PCDH15: variants seen among roughly 807,000 people sequenced by gnomAD.
The protein encoded by PCDH15 is protocadherin related 15.
In PCDH15, 129 loss-of-function variants were observed where a neutral mutation model predicts 178.5. That is an observed-to-expected ratio of 0.72 (90% CI 0.63 to 0.84). The LOEUF (loss-of-function observed/expected upper bound fraction) is 0.84. PCDH15 is among the 40% of genes least tolerant of loss of function. The pLI is 0.00. For synonymous variants in PCDH15, 800 were observed against 732.0 expected, an observed-to-expected ratio of 1.09 and a Z score of -1.50; for missense variants, 2,230 against 2,099.9, an observed-to-expected ratio of 1.06 and a Z score of -1.21.
intron 25 of PCDH15, chr10:53,907,257 T>C (rs1258050309): frequency 6.6e-6 from 1 of 152,170 alleles, no homozygotes; most frequent in East Asian, 1.9e-4. Context: ...CTGCTTTTTA[T>C]CTCCTTGAGT....
intron 20 of PCDH15, among the ~76,000 whole-genome samples, chr10:53,998,933 T>C (rs1270891595): frequency 1.3e-5 from 2 of 150,382 alleles, no homozygotes; most frequent in Non-Finnish European, 2.9e-5. Context: ...GCACCTGTAA[T>C]CCCAGCTACT....
chr10:54,205,356 T>TAATTCATTTATGTAA (rs2050683413), intron 10 of PCDH15, among the ~76,000 whole-genome samples: 1 of 151,810 alleles, frequency 6.6e-6, no homozygotes, highest in Non-Finnish European at 1.5e-5. Flanking sequence ...AGTTGGAAAC[T>TAATTCATTTATGTAA]GAATGGAAGG....
chr10:54,090,092 CA>C (rs1565230404), intron 15 of PCDH15, 29 bp from the exon 16 acceptor site: 1 of 1,508,090 alleles, frequency 6.6e-7, no homozygotes, highest in Non-Finnish European at 9.2e-7. Flanking sequence ...ATTCAATTAT[CA>C]AGTAATTGAT....
chr10:54,399,557 C>G (rs936022026), intron 3 of PCDH15, among the ~76,000 whole-genome samples: 2 of 152,022 alleles, frequency 1.3e-5, no homozygotes, highest in African/African-American at 4.8e-5. Context: ...GGGTGAAAGT[C>G]TAAATGAAGA....
chr10:54,355,111 G>T (rs1944762626), intron 5 of PCDH15, among the ~76,000 whole-genome samples: 1 of 100,396 alleles, frequency 1.0e-5, no homozygotes, highest in Non-Finnish European at 1.9e-5. Context: ...TTCCAAAACA[G>T]GAGGATTGCA....
At chr10:55,184,793 C>T (rs1839750952) in intron 1 of PCDH15, among the ~76,000 whole-genome samples, 1 of 151,866 alleles carries the variant, frequency 6.6e-6, no homozygotes, top group South Asian at 2.1e-4. Flanking sequence ...AGATTTATGA[C>T]ACATGCACAC....
At chr10:54,534,040 TACA>T (rs2084219584) in intron 2 of PCDH15, among the ~76,000 whole-genome samples, 1 of 152,172 alleles carries the variant, frequency 6.6e-6, no homozygotes, top group Non-Finnish European at 1.5e-5. Flanking sequence ...CATATATTTT[TACA>T]ACAAGGACAA....
At chr10:55,103,432 C>G (rs1842615818) in intron 2 of PCDH15, among the ~76,000 whole-genome samples, 1 of 152,070 alleles carries the variant, frequency 6.6e-6, no homozygotes, top group Non-Finnish European at 1.5e-5. Flanking sequence ...TATTTTGAAA[C>G]CCTTTGCCTC....
intron 2 of PCDH15, among the ~76,000 whole-genome samples, chr10:55,376,030 C>T (rs970016041): frequency 6.6e-6 from 1 of 151,688 alleles, no homozygotes; most frequent in Non-Finnish European, 1.5e-5. Context: ...CACACTAGAT[C>T]ATAACTTTTA....
chr10:54,324,063 T>C (rs576892280), intron 7 of PCDH15, among the ~76,000 whole-genome samples: 1 of 152,126 alleles, frequency 6.6e-6, no homozygotes, highest in South Asian at 2.1e-4. Flanking sequence ...CCCATTTCAC[T>C]CTCACTCCTC....
intron 20 of PCDH15, among the ~76,000 whole-genome samples, chr10:54,010,217 G>A (rs112694573): frequency 0.023 from 3,521 of 151,306 alleles, 98 homozygotes; most frequent in African/African-American, 0.064. Flanking sequence ...GACTAATGCC[G>A]ACCCCCAACA....
intron 3 of PCDH15, among the ~76,000 whole-genome samples, chr10:54,434,232 G>T (rs1431497074): frequency 1.4e-5 from 2 of 144,316 alleles, no homozygotes; most frequent in African/African-American, 5.0e-5. Context: ...AGTAAGCTAA[G>T]ATTAATTACT....
intron 3 of PCDH15, among the ~76,000 whole-genome samples, chr10:54,386,582 T>C (rs1949962270): frequency 6.6e-6 from 1 of 152,300 alleles, no homozygotes. Flanking sequence ...CATTCATTGT[T>C]ATGCAGAATA....
At chr10:54,371,175 T>G (rs1947607475) in intron 4 of PCDH15, among the ~76,000 whole-genome samples, 1 of 151,826 alleles carries the variant, frequency 6.6e-6, no homozygotes, top group Middle Eastern at 3.4e-3. Flanking sequence ...AATGGTAAAT[T>G]TTTGCAATAA....
intron 1 of PCDH15, among the ~76,000 whole-genome samples, chr10:55,186,261 C>T (rs1839797035): frequency 6.6e-6 from 1 of 150,734 alleles, no homozygotes; most frequent in African/African-American, 2.4e-5. Context: ...TTAATTATTC[C>T]ACTCTATGTT....
chr10:54,222,107 A>G (rs2052894999), intron 9 of PCDH15, among the ~76,000 whole-genome samples: 1 of 152,226 alleles, frequency 6.6e-6, no homozygotes, highest in South Asian at 2.1e-4. Flanking sequence ...TAAAGATGCT[A>G]TGAACTTTCC....
chr10:54,210,950 G>A (rs1407359470), intron 10 of PCDH15, among the ~76,000 whole-genome samples: 1 of 152,024 alleles, frequency 6.6e-6, no homozygotes, highest in African/African-American at 2.4e-5. Context: ...GTTATTTGAA[G>A]AACTGAGAGA....
intron 3 of PCDH15, among the ~76,000 whole-genome samples, chr10:54,824,228 G>A (rs1054545925): frequency 9.9e-5 from 15 of 152,092 alleles, no homozygotes; most frequent in African/African-American, 3.6e-4. Flanking sequence ...ATTTAAACAT[G>A]TGTATAATAA....
chr10:54,069,145 AG>A (rs2094193947), intron 17 of PCDH15, among the ~76,000 whole-genome samples: 1 of 152,196 alleles, frequency 6.6e-6, no homozygotes, highest in Admixed American at 6.5e-5. Context: ...AATTTGCCTG[AG>A]GGTTAACAAG....
Sources: gnomAD v4.1 joint callset for allele counts (sites outside exome capture counted in the v4.1 genomes callset) on GRCh38, gnomAD v4.1.1 for gene constraint, MANE v1.5 for transcripts, NCBI Gene and HGNC (gene_info 2026-07-23, HGNC 2026-07-21) for gene names.